Variants in IZUMO1 observed in about 807,000 individuals in gnomAD.
IZUMO1 encodes izumo sperm-oocyte fusion 1.
In IZUMO1, 44 loss-of-function variants were observed where a neutral mutation model predicts 40.7. The ratio of observed to expected loss-of-function variants is 1.08; its 90% CI spans 0.85 to 1.39. The LOEUF is 1.39. IZUMO1 is among the 40% of genes most tolerant of loss of function. IZUMO1 has a pLI of 0.00. For missense variants in IZUMO1, 368 were observed against 436.9 expected, an observed-to-expected ratio of 0.84 and a Z score of 1.41; for synonymous variants, 149 against 170.9, an observed-to-expected ratio of 0.87 and a Z score of 1.00.
chr19:48,746,130 CAACT>C, intron 1 of IZUMO1, 198 bp from the exon 2 acceptor site: 5 of 1,321,168 alleles, frequency 3.8e-6, no homozygotes, highest in Non-Finnish European at 4.8e-6. Flanking sequence ...CTGAATCCCC[CAACT>C]GAGAGATCAG....
chr19:48,745,131 C>T (rs1166721502), intron 3 of IZUMO1, 83 bp downstream of exon 3: 2 of 1,167,124 alleles, frequency 1.7e-6, no homozygotes, highest in East Asian at 2.3e-5. Context: ...GGTCCACAGC[C>T]TAGTATCTGA....
intron 5 of IZUMO1, 122 bp from the exon 6 acceptor site, chr19:48,743,647 A>G (rs1051424035): frequency 1.2e-5 from 9 of 748,324 alleles, no homozygotes; most frequent in Non-Finnish European, 2.1e-5. Flanking sequence ...ACGAAGGCAC[A>G]GGACCAGGAC....
Position 48,741,046 on chromosome 19 carries a change from G to T in IZUMO1, c.933-18C>A, listed in dbSNP as rs927096280. 3.1e-6 allele frequency: 5 copies of T among 1,613,420 alleles called. No homozygotes were observed. The highest frequency in any genetic ancestry group is 3.4e-6 in the Non-Finnish European group (4 of 1,179,892). ...GAAATATCCTAGGGGTGGGAGTGGG[G>T]TGCAGATCATGGAACCGGTTTGGGT... On this transcript the variant is annotated intron_variant, in intron 9 of 9. Coordinates refer to ENST00000332955, the MANE Select transcript of IZUMO1 (RefSeq NM_182575.3). The surrounding 1 kb of genome is among the most constrained non-coding windows in gnomAD (Gnocchi z 4.4).
At chr19:48,742,388 C>T in intron 6 of IZUMO1, 79 bp from the exon 7 acceptor site, 1 of 1,018,508 alleles carries the variant, frequency 9.8e-7, no homozygotes, top group South Asian at 1.3e-5. Context: ...CGCTCTGTCG[C>T]CCAGGCTGGA....
rs775805530 is a variant in IZUMO1, at chr19:48,744,180, T to C, written c.413A>G (p.Lys138Arg). The change falls in exon 5 of 10, where the codon AAA becomes AGA. Residue 138 changes from lysine (K) to arginine (R), a missense_variant. Physicochemically the swap from Lys to Arg is conservative, Grantham distance 26. Transcript: ENST00000332955. ...CTTCTGTAATCCAGACTCACCACAT[T>C]TGTTGGGACAATAAGCTGTGTCAAA... ...RFQKEAYCPN[K>R]CGVMLQTLIW... The C allele has an allele frequency of 2.2e-5, 36 of 1,613,346 alleles. No individual in the cohort carries two copies. Among genetic ancestry groups the C allele is most frequent in the Non-Finnish European group, 3.1e-5 (36 of 1,179,490 alleles).
intron 5 of IZUMO1, 84 bp from the exon 6 acceptor site, chr19:48,743,609 A>G (rs838147): frequency 0.58 from 603,909 of 1,040,056 alleles, 184,043 homozygotes; most frequent in East Asian, 0.99. Context: ...CTGGGGCCAG[A>G]TCATCTATGA....
At position 48,744,468 on chromosome 19, in the gene IZUMO1, G is replaced by A; in HGVS notation, c.382C>T (p.Arg128Ter). 3.7e-6 allele frequency: 6 copies of A among 1,613,254 alleles called. No homozygotes were observed. The highest frequency in any genetic ancestry group is 4.2e-6 in the Non-Finnish European group (5 of 1,179,270). ...QKETFATYVA[R>*]FQKEAYCPNK... ...CTTCTCTCACCCTCTTTTTGGAATC[G>A]AGCAACATAGGTGGCAAAGGTTTCC... Residue 128 changes from arginine to a stop codon, truncating the protein, a stop_gained, in exon 4 of 10, where the codon CGA (arginine) becomes TGA (stop). Transcript: ENST00000332955. LOFTEE classifies it high-confidence loss of function.
rs2033681076 is a variant in IZUMO1 at position 48,741,295 on chromosome 19, G to A, written c.932+6C>T. On this transcript the variant is annotated splice_donor_region_variant and intron_variant, in intron 9 of 9. Coordinates refer to ENST00000332955, the MANE Select transcript of IZUMO1 (RefSeq NM_182575.3). This position sits in a 1 kb window ranked among gnomAD's most constrained non-coding sequence, Gnocchi z 4.4. ...CCAAGCCTGTCTTCTTCAATGGGTT[G>A]CTTACGCAAAGGTAAGGCCGGTTAT... is the stretch of plus-strand genomic sequence containing the variant. 2 of 1,581,950 alleles carry A rather than the reference G, an allele frequency of 1.3e-6. No homozygotes were observed. The highest frequency in any genetic ancestry group is 1.7e-6 in the Non-Finnish European group (2 of 1,164,196).
Position 48,743,440 on chromosome 19 carries a change from C to G in IZUMO1, c.499+5G>C, listed in dbSNP as rs768697780. On this transcript the variant is annotated splice_donor_5th_base_variant and intron_variant, in intron 6 of 9. Coordinates refer to ENST00000332955, the MANE Select transcript of IZUMO1 (RefSeq NM_182575.3). ...AATTCCTCCTGCTGGGTCCAGTTCT[C>G]TCACCCCCGCAATCGTAGGACTTTC... 6 of 1,614,026 alleles carry G rather than the reference C, an allele frequency of 3.7e-6. No homozygotes were observed. The African/African-American group carries it at 5.3e-5, about 14-fold the overall frequency.
intron 5 of IZUMO1, 175 bp downstream of exon 5, chr19:48,743,998 AGT>A: frequency 1.5e-6 from 1 of 663,166 alleles, no homozygotes; most frequent in Non-Finnish European, 2.7e-6. Context: ...CAAAAAAAAG[AGT>A]GTAAGTAGAA....
chr19:48,745,340 G>A, intron 2 of IZUMO1, 52 bp from the exon 3 acceptor site: 1 of 1,519,148 alleles, frequency 6.6e-7, no homozygotes, highest in Non-Finnish European at 9.1e-7. Flanking sequence ...TCATTGGCGC[G>A]CCTAATCTTA....
chr19:48,745,849 T>G lies in IZUMO1; in HGVS notation c.11A>C (p.His4Pro). The G allele has an allele frequency of 1.9e-6, 3 of 1,614,064 alleles. No individual in the cohort carries two copies. MGP[H>P]FTLLCAALAG... is the part of the protein sequence containing the mutation. ...CAGCGCCGCACACAGGAGGGTAAAA[T>G]GCGGCCCCATTGCAGCCGGCGCGCA... Residue 4 changes from histidine to proline, a missense_variant, in exon 2 of 10, where the codon CAT becomes CCT. By Grantham distance (77) the His-to-Pro change is moderately conservative. Transcript: ENST00000332955.
rs1411117499 is a variant in IZUMO1, at chr19:48,741,329, G to A, written c.904C>T (p.Leu302=). 12 of 1,608,856 alleles carry A rather than the reference G, an allele frequency of 7.5e-6. No homozygotes were observed. Among genetic ancestry groups the A allele is most frequent in the Non-Finnish European group, 1.0e-5 (12 of 1,179,042 alleles). Reference sequence around the variant, plus strand: ...AAGGTAAGGCCGGTTATCAGTGCTAGGGAGCCGCAGATCAGCAGCCCCAGA... The same window carrying A: ...AAGGTAAGGCCGGTTATCAGTGCTAAGGAGCCGCAGATCAGCAGCCCCAGA... The part of the protein sequence containing the change: ...RLLGLLICGS[L]ALITGLTFAI... Residue 302 remains leucine (L), a synonymous_variant, in exon 9 of 10, where the codon CTA becomes TTA. Coordinates refer to ENST00000332955, the MANE Select transcript of IZUMO1 (RefSeq NM_182575.3). The surrounding 1 kb of genome is among the most constrained non-coding windows in gnomAD (Gnocchi z 4.4).
chr19:48,745,535 C>T, intron 2 of IZUMO1, 90 bp downstream of exon 2: 3 of 1,488,566 alleles, frequency 2.0e-6, no homozygotes, highest in Non-Finnish European at 2.8e-6. Context: ...TCCCGAATCC[C>T]GGAGACCCTG....
chr19:48,746,104 A>C, intron 1 of IZUMO1, 172 bp from the exon 2 acceptor site: 2 of 1,370,740 alleles, frequency 1.5e-6, no homozygotes, highest in Non-Finnish European at 1.9e-6. Flanking sequence ...AGGGGACCCA[A>C]AATTTAGGGT....
In IZUMO1 at chr19:48,741,403, G is replaced by A. The variant is rs145934248; in HGVS notation, c.830C>T (p.Ser277Phe). ...GGGCTGCAGAGGCTGGAGGCTTATG[G>A]ACGACTCCGTGGTCGCCTCCCCCGG... ...VTPGEATTES[S>F]ISLQPLQPEK... The change falls in exon 9 of 10, where the codon TCC becomes TTC. Residue 277 changes from serine (S) to phenylalanine (F), a missense_variant. By Grantham distance (155) the Ser-to-Phe change is radical. Coordinates refer to ENST00000332955, the MANE Select transcript of IZUMO1 (RefSeq NM_182575.3). The surrounding 1 kb of genome is among the most constrained non-coding windows in gnomAD (Gnocchi z 4.4). The A allele has an allele frequency of 1.2e-5, 19 of 1,613,522 alleles. No individual in the cohort carries two copies. In the African/African-American group the frequency reaches 2.4e-4, roughly 20 times the overall value.
Position 48,746,648 on chromosome 19 carries a change from T to C in IZUMO1, c.-287A>G. 2 of 985,510 alleles carry C rather than the reference T, an allele frequency of 2.0e-6. No individual in the cohort carries two copies. The highest frequency in any genetic ancestry group is 2.4e-6 in the Non-Finnish European group (2 of 829,956). The allele number at this position is 985,510 out of a possible 1,614,324, so 61.0% of individuals were successfully genotyped here. A position where few individuals can be genotyped will look rare whatever the true frequency, so the allele number is the denominator to read the frequency against. On this transcript the variant is annotated 5_prime_UTR_variant, in exon 1 of 10. Transcript: ENST00000332955. ...CGACCTTGGTTCCCGATTTGTGGCC[T>C]CTAACACTAGGGTTCATTGAGGAGC...
intron 5 of IZUMO1, 111 bp downstream of exon 5, chr19:48,744,064 G>A: frequency 1.1e-6 from 1 of 917,378 alleles, no homozygotes; most frequent in South Asian, 1.4e-5. Flanking sequence ...GGAGACCCAG[G>A]AACCTCTCCA....
intron 4 of IZUMO1, 85 bp downstream of exon 4, chr19:48,744,368 G>A (rs1408025836): frequency 7.9e-7 from 1 of 1,264,244 alleles, no homozygotes; most frequent in East Asian, 2.3e-5. Flanking sequence ...GAGGAACTGG[G>A]CTTGGAGAAG....
Sources: gnomAD v4.1 joint callset for allele counts on GRCh38, gnomAD v4.1.1 for gene constraint, Gnocchi (gnomAD v3.1) non-coding constraint, MANE v1.5 for transcripts, NCBI Gene and HGNC (gene_info 2026-07-23, HGNC 2026-07-21) for gene names.